Variants in CCSER1 observed in about 807,000 individuals in gnomAD.
CCSER1 encodes the protein serine-rich coiled-coil domain-containing protein 1.
CCSER1 carries 41 observed loss-of-function variants against 82.0 expected under a neutral mutation model. The observed-to-expected ratio is 0.50, with a 90% confidence interval of 0.39 to 0.65. The LOEUF (loss-of-function observed/expected upper bound fraction) is 0.65, where lower values mean the gene tolerates loss of function less well. Ranked by LOEUF, CCSER1 falls within the 30% of genes least tolerant of loss-of-function variation. The probability of loss-of-function intolerance (pLI) is 0.00; values close to 1 mark genes in which losing one functional copy is unlikely to be tolerated. For synonymous variants in CCSER1, 414 were observed against 383.9 expected (o/e 1.08, Z -0.92); for missense variants, 1,119 against 1,064.2 (o/e 1.05, Z -0.72).
intron 10 of CCSER1, among the ~76,000 whole-genome samples, chr4:91,429,370 T>A (rs1437061309): frequency 6.6e-6 from 1 of 151,962 alleles, no homozygotes; most frequent in East Asian, 1.9e-4. Flanking sequence ...AGAAAACAGG[T>A]ACTACACTAT....
chr4:90,723,427 A>G (rs1048220316), intron 6 of CCSER1, among the ~76,000 whole-genome samples: 25 of 151,980 alleles, frequency 1.6e-4, no homozygotes, highest in African/African-American at 5.8e-4. Flanking sequence ...AAAATTTAAT[A>G]TTTTTTCAGT....
At chr4:91,110,780 A>G (rs979499830) in intron 10 of CCSER1, among the ~76,000 whole-genome samples, 1 of 151,996 alleles carries the variant, frequency 6.6e-6, no homozygotes, top group African/African-American at 2.4e-5. Context: ...CTTTAAGATC[A>G]TTAAGAGTTG....
At chr4:91,089,116 A>G (rs1404549451) in intron 10 of CCSER1, among the ~76,000 whole-genome samples, 2 of 152,150 alleles carry the variant, frequency 1.3e-5, no homozygotes, top group African/African-American at 2.4e-5. Flanking sequence ...TGTTGAGTGC[A>G]CAATTTCTGT....
intron 3 of CCSER1, among the ~76,000 whole-genome samples, chr4:90,392,044 G>C (rs1751261209): frequency 6.6e-6 from 1 of 152,038 alleles, no homozygotes; most frequent in East Asian, 1.9e-4. Context: ...GATGGTGTCT[G>C]TGATGTTAGT....
intron 10 of CCSER1, among the ~76,000 whole-genome samples, chr4:91,314,383 T>C (rs1032483231): frequency 2.0e-5 from 3 of 152,052 alleles, no homozygotes; most frequent in Admixed American, 1.3e-4. Flanking sequence ...GGGAACCTTA[T>C]AATCCTTCTT....
intron 10 of CCSER1, among the ~76,000 whole-genome samples, chr4:91,378,920 G>A (rs1750653673): frequency 1.3e-5 from 2 of 152,118 alleles, no homozygotes; most frequent in Admixed American, 1.3e-4. Flanking sequence ...TTTGAGATAT[G>A]TCCCATCAAT....
chr4:90,299,444 A>C (rs1579041923), intron 1 of CCSER1, among the ~76,000 whole-genome samples: 1 of 152,152 alleles, frequency 6.6e-6, no homozygotes, highest in Non-Finnish European at 1.5e-5. Context: ...AATTTAATAA[A>C]TTGTTAATTA....
At chr4:90,224,588 A>C (rs555986535) in intron 1 of CCSER1, among the ~76,000 whole-genome samples, 1 of 152,368 alleles carries the variant, frequency 6.6e-6, no homozygotes, top group East Asian at 1.9e-4. Flanking sequence ...ACACTGTGGA[A>C]CACACATAAT....
chr4:91,162,882 C>T (rs558711330), intron 10 of CCSER1, among the ~76,000 whole-genome samples: 57 of 152,230 alleles, frequency 3.7e-4, no homozygotes, highest in African/African-American at 1.2e-3. Flanking sequence ...AAAAAACCAG[C>T]TCCTGGATTC....
At chr4:91,263,410 T>A (rs1741343065) in intron 10 of CCSER1, among the ~76,000 whole-genome samples, 1 of 152,040 alleles carries the variant, frequency 6.6e-6, no homozygotes, top group South Asian at 2.1e-4. Context: ...TCTTTATCTG[T>A]CTACAGAAAG....
intron 8 of CCSER1, among the ~76,000 whole-genome samples, chr4:90,881,518 TC>T (rs1721314527): frequency 6.6e-6 from 1 of 152,150 alleles, no homozygotes; most frequent in Admixed American, 6.5e-5. Context: ...GCACCTGTAA[TC>T]CCAGCACTTT....
At position 91,246,827 on chromosome 4, in the gene CCSER1, T is replaced by TACACACACAC. The variant is rs34278711; in HGVS notation, c.2217+160854_2217+160863dup. ...GGCATCTCATACACACATACACACA[T>TACACACACAC]ACACACACACACACACACACACACA... On this transcript the variant is annotated intron_variant, in intron 10 of 10. Coordinates refer to ENST00000509176, the MANE Select transcript of CCSER1 (RefSeq NM_001145065.2). 2.8e-3 allele frequency among the ~76,000 whole-genome samples: 406 copies of TACACACACAC among 144,144 alleles called. 1 individual carries two copies. The highest frequency in any genetic ancestry group is 7.7e-3 in the Admixed American group (111 of 14,424). 94.6% of individuals were successfully genotyped at this position (144,144 alleles called of 152,430 possible).
chr4:91,540,181 A>G (rs1210416864), intron 10 of CCSER1, among the ~76,000 whole-genome samples: 2 of 152,054 alleles, frequency 1.3e-5, no homozygotes, highest in African/African-American at 4.8e-5. Flanking sequence ...CACTCTCTAC[A>G]TCCCACATCA....
chr4:90,157,606 C>T (rs540720593), intron 1 of CCSER1, among the ~76,000 whole-genome samples: 45 of 152,228 alleles, frequency 3.0e-4, no homozygotes, highest in Middle Eastern at 6.8e-3. Context: ...TTTCCCTTCT[C>T]GCTTCATTTC....
chr4:91,341,917 G>A (rs1453815832), intron 10 of CCSER1, among the ~76,000 whole-genome samples: 1 of 152,070 alleles, frequency 6.6e-6, no homozygotes, highest in Non-Finnish European at 1.5e-5. Flanking sequence ...TTGGCATTAT[G>A]TATTTTACAA....
At chr4:91,481,292 C>T (rs529651942) in intron 10 of CCSER1, among the ~76,000 whole-genome samples, 54 of 152,000 alleles carry the variant, frequency 3.6e-4, no homozygotes, top group African/African-American at 1.1e-3. Flanking sequence ...AAGATCAAAG[C>T]GTTGGCAGTT....
chr4:90,453,829 G>T (rs956545120), intron 4 of CCSER1, among the ~76,000 whole-genome samples: 1 of 152,186 alleles, frequency 6.6e-6, no homozygotes, highest in Non-Finnish European at 1.5e-5. Context: ...GGAGTGCCTG[G>T]ACTGGAGTGG....
chr4:91,069,245 A>C (rs1383465874), intron 9 of CCSER1, among the ~76,000 whole-genome samples: 1 of 152,188 alleles, frequency 6.6e-6, no homozygotes, highest in Non-Finnish European at 1.5e-5. Flanking sequence ...AGAGATATTC[A>C]AGATTACCTA....
chr4:90,263,062 G>A (rs1724620171), intron 1 of CCSER1, among the ~76,000 whole-genome samples: 1 of 152,182 alleles, frequency 6.6e-6, no homozygotes. Context: ...CTGCCTGACT[G>A]TTGGGGTAGA....
Sources: gnomAD v4.1 joint callset for allele counts (sites outside exome capture counted in the v4.1 genomes callset) on GRCh38, gnomAD v4.1.1 for gene constraint, MANE v1.5 for transcripts, NCBI Gene and HGNC (gene_info 2026-07-23, HGNC 2026-07-21) for gene names.